Variants in ZBTB37 observed in about 807,000 individuals in gnomAD.
ZBTB37 encodes the protein zinc finger and BTB domain-containing protein 37.
In ZBTB37, 15 loss-of-function variants were observed where a neutral mutation model predicts 37.7. The ratio of observed to expected loss-of-function variants is 0.40; its 90% CI spans 0.27 to 0.61. The LOEUF (loss-of-function observed/expected upper bound fraction) is 0.61, where lower values mean the gene tolerates loss of function less well. Ranked by LOEUF, ZBTB37 falls within the 20% of genes least tolerant of loss-of-function variation. The pLI is 0.44. For synonymous variants in ZBTB37, 231 were observed against 220.6 expected (o/e 1.05, Z -0.42); for missense variants, 514 against 641.9 (o/e 0.80, Z 2.15).
chr1:173,878,631 C>T (rs9425428), intron 4 of ZBTB37, among the ~76,000 whole-genome samples: 29,716 of 151,930 alleles, frequency 0.2, 3,919 homozygotes, highest in African/African-American at 0.37. Context: ...CTTTCCTACC[C>T]TCCCTTCCAC....
chr1:173,899,289 C>T (rs1302415491), exon 4 of ZBTB37: 1 of 151,950 alleles, frequency 6.6e-6, no homozygotes, highest in South Asian at 2.1e-4. Context: ...AAAATTTTTC[C>T]TTCTGGCTTA....
Position 173,871,149 on chromosome 1 carries a change from G to T in ZBTB37, c.923+1G>T. ...GGCCAACAAGCAGTGAAGTTGACAGGTAGGTTTGGTTTGGTTTGGTTTTCC... is the reference window on the plus strand; with the variant it reads ...GGCCAACAAGCAGTGAAGTTGACAGTTAGGTTTGGTTTGGTTTGGTTTTCC... On this transcript the variant is annotated splice_donor_variant, in intron 3 of 4. Coordinates refer to ENST00000427304, the Ensembl canonical transcript of ZBTB37. LOFTEE classifies it high-confidence loss of function. 1 of 1,587,318 alleles carries T rather than the reference G, an allele frequency of 6.3e-7. No individual in the cohort carries two copies. Among genetic ancestry groups the T allele is most frequent in the Non-Finnish European group, 8.6e-7 (1 of 1,167,094 alleles).
chr1:173,877,411 T>C (rs1189393063), intron 4 of ZBTB37, among the ~76,000 whole-genome samples: 2 of 134,010 alleles, frequency 1.5e-5, no homozygotes, highest in Non-Finnish European at 3.1e-5. Flanking sequence ...AGACAGGATC[T>C]CACTTTGTCG....
exon 4 of ZBTB37, chr1:173,897,987 C>T (rs1657114982): frequency 6.6e-6 from 1 of 152,156 alleles, no homozygotes; most frequent in Non-Finnish European, 1.5e-5. Context: ...CGGTTTACTG[C>T]TTTTATCCAC....
chr1:173,870,259 C>A, exon 3 of ZBTB37: 2 of 1,613,904 alleles, frequency 1.2e-6, no homozygotes, highest in Non-Finnish European at 1.7e-6. Context: ...ATTGGAGATT[C>A]CTGACTTCAG....
chr1:173,885,481 G>GTAATATCTT (rs1656569853), intron 4 of ZBTB37, among the ~76,000 whole-genome samples, 155 bp from the exon 5 acceptor site: 1 of 152,016 alleles, frequency 6.6e-6, no homozygotes, highest in Admixed American at 6.6e-5. Context: ...AATTATTATG[G>GTAATATCTT]TAATATCTTT....
chr1:173,902,604 C>T (rs1371350928), exon 4 of ZBTB37: 1 of 152,178 alleles, frequency 6.6e-6, no homozygotes, highest in Non-Finnish European at 1.5e-5. Context: ...TTATTATGAC[C>T]TTAATTATAA....
chr1:173,883,505 A>G lies in ZBTB37; in HGVS notation c.1024-2131A>G, dbSNP rs552021456. On this transcript the variant is annotated intron_variant, in intron 4 of 4. Coordinates refer to ENST00000427304, the Ensembl canonical transcript of ZBTB37. ...GAAAAGTGTACTGTTATCATGTTCA[A>G]TTCTCGTGAGAATCCTCTAAAGCTG... Among the ~76,000 whole-genome samples, 16 of 152,300 alleles carry G rather than the reference A, an allele frequency of 1.1e-4. No individual in the cohort carries two copies. The South Asian group carries it at 1.2e-3, about 12-fold the overall frequency.
At chr1:173,885,836 G>T (rs1221913607) in exon 5 of ZBTB37, 1 of 1,551,850 alleles carries the variant, frequency 6.4e-7, no homozygotes, top group Non-Finnish European at 8.7e-7. Flanking sequence ...TGTGTGGCAA[G>T]AAGTATACCC....
At chr1:173,897,410 A>C (rs576892234) in exon 4 of ZBTB37, 1 of 152,328 alleles carries the variant, frequency 6.6e-6, no homozygotes, top group African/African-American at 2.4e-5. Flanking sequence ...TGTAGGTGTA[A>C]AAGTGAAATG....
At chr1:173,896,999 T>C (rs1657072699) in exon 4 of ZBTB37, 2 of 152,238 alleles carry the variant, frequency 1.3e-5, no homozygotes, top group Admixed American at 1.3e-4. Context: ...AAAATAATTT[T>C]AAATCATGTA....
downstream of ZBTB37, chr1:173,888,738 G>C (rs1014870662): frequency 8.5e-5 from 13 of 152,158 alleles, no homozygotes; most frequent in African/African-American, 3.1e-4. Context: ...CCTGGAGAAA[G>C]AATTCTTTGT....
At chr1:173,882,432 G>A (rs1656381531) in intron 4 of ZBTB37, among the ~76,000 whole-genome samples, 1 of 151,802 alleles carries the variant, frequency 6.6e-6, no homozygotes. Flanking sequence ...AGTAGAGACA[G>A]GGTTTCACCA....
chr1:173,890,043 T>C (rs1204118194), downstream of ZBTB37: 1 of 152,130 alleles, frequency 6.6e-6, no homozygotes, highest in Non-Finnish European at 1.5e-5. Context: ...TTCTTTTTTT[T>C]CTTAAAGGCA....
chr1:173,875,845 A>G (rs1337537184), intron 4 of ZBTB37, among the ~76,000 whole-genome samples: 1 of 151,670 alleles, frequency 6.6e-6, no homozygotes, highest in Non-Finnish European at 1.5e-5. Context: ...TTTTAGTGGA[A>G]ATGGCGTTGC....
exon 4 of ZBTB37, chr1:173,891,836 G>A (rs1656853799): frequency 6.6e-6 from 1 of 152,148 alleles, no homozygotes; most frequent in Admixed American, 6.5e-5. Flanking sequence ...TTTTGAATTA[G>A]ATCTATCTTG....
chr1:173,874,843 A>G lies in ZBTB37; in HGVS notation c.1023+1277A>G, dbSNP rs148708270. ...CAAAGCAAGAAATAGAACTTTTGTT[A>G]TTAGTAGACAGCCTGACTTGTTATG... On this transcript the variant is annotated intron_variant, in intron 4 of 4. Coordinates refer to ENST00000427304, the Ensembl canonical transcript of ZBTB37. Among the ~76,000 whole-genome samples the G allele has an allele frequency of 1.3e-3, 198 of 152,350 alleles. 1 individual carries two copies. In the Middle Eastern group the frequency reaches 0.017, roughly 13 times the overall value.
chr1:173,870,874 G>T (rs1287443899), exon 3 of ZBTB37: 1 of 1,614,234 alleles, frequency 6.2e-7, no homozygotes. Context: ...GATCAACCGA[G>T]CAGGACAGTG....
chr1:173,874,776 A>G (rs1017052454), intron 4 of ZBTB37, among the ~76,000 whole-genome samples: 2 of 152,212 alleles, frequency 1.3e-5, no homozygotes, highest in African/African-American at 4.8e-5. Flanking sequence ...GTCCTAGTCA[A>G]TGCAATAAAG....
Sources: allele counts gnomAD v4.1 joint callset (sites outside exome capture counted in the v4.1 genomes callset), GRCh38; gene constraint gnomAD v4.1.1; transcripts MANE v1.5; gene names NCBI Gene and HGNC (gene_info 2026-07-23, HGNC 2026-07-21).